CDC42BPA: variants seen among roughly 807,000 people sequenced by gnomAD.
The protein encoded by CDC42BPA is serine/threonine-protein kinase MRCK alpha.
In CDC42BPA, 80 loss-of-function variants were observed where a neutral mutation model predicts 223.5. The observed-to-expected ratio is 0.36, with a 90% CI of 0.30 to 0.43. The LOEUF (loss-of-function observed/expected upper bound fraction) is 0.43. Ranked by LOEUF, CDC42BPA falls within the 20% of genes least tolerant of loss-of-function variation. CDC42BPA has a pLI of 1.00. For missense variants in CDC42BPA, 1,743 were observed against 2,099.9 expected, an observed-to-expected ratio of 0.83 and a Z score of 3.32; for synonymous variants, 694 against 718.6, an observed-to-expected ratio of 0.97 and a Z score of 0.55.
intron 5 of CDC42BPA, among the ~76,000 whole-genome samples, chr1:227,190,905 G>A (rs975967057): frequency 3.3e-5 from 5 of 152,070 alleles, no homozygotes; most frequent in African/African-American, 1.2e-4. Context: ...AAGGAAGGTA[G>A]GAAGTGTATA....
chr1:227,060,272 C>A lies in CDC42BPA; in HGVS notation c.2905-8287G>T, dbSNP rs143142212. ...GGTCTCGATCTCCTGACCTCGTGAT[C>A]CACCCACCTTGGCCTCCCAATCAAA... On this transcript the variant is annotated intron_variant, in intron 21 of 36. Transcript: ENST00000366766. Among the ~76,000 whole-genome samples, 444 of 152,174 alleles carry A rather than the reference C, an allele frequency of 2.9e-3. 2 individuals carry two copies. The highest frequency in any genetic ancestry group is 5.0e-3 in the Non-Finnish European group (340 of 67,986).
At chr1:227,185,115 A>G (rs1668540952) in intron 5 of CDC42BPA, among the ~76,000 whole-genome samples, 1 of 151,994 alleles carries the variant, frequency 6.6e-6, no homozygotes, top group Admixed American at 6.6e-5. Flanking sequence ...TAACACTTTA[A>G]TTAGCATCTT....
chr1:227,020,116 G>C (rs937875831), intron 32 of CDC42BPA, among the ~76,000 whole-genome samples: 4 of 152,024 alleles, frequency 2.6e-5, no homozygotes, highest in Non-Finnish European at 2.9e-5. Context: ...GGCTGGTCTC[G>C]AACTCCTGAC....
At chr1:227,202,611 AAAAT>A (rs1671976762) in intron 3 of CDC42BPA, among the ~76,000 whole-genome samples, 1 of 152,168 alleles carries the variant, frequency 6.6e-6, no homozygotes, top group Non-Finnish European at 1.5e-5. Flanking sequence ...TTTAACTAAA[AAAAT>A]TATTTTTTAA....
chr1:227,045,440 G>A (rs1258908764), intron 23 of CDC42BPA, among the ~76,000 whole-genome samples: 1 of 152,118 alleles, frequency 6.6e-6, no homozygotes, highest in Non-Finnish European at 1.5e-5. Context: ...ATGTGACTGG[G>A]GACAGGTATT....
chr1:227,005,321 T>C (rs903685880), intron 34 of CDC42BPA, among the ~76,000 whole-genome samples: 2 of 152,232 alleles, frequency 1.3e-5, no homozygotes, highest in Non-Finnish European at 2.9e-5. Context: ...CAGGAATAAG[T>C]ACTTATACTT....
chr1:227,318,153 C>CCGGG lies in CDC42BPA; in HGVS notation c.-972_-971insCCCG, dbSNP rs1553449062. The stretch of plus-strand genomic sequence containing the variant: ...CGCCGGAGGCTCCCGACGCCCCAGG[C>CCGGG]GGGGGGGTGCTTCTCTGAATTCAAA... On this transcript the variant is annotated 5_prime_UTR_variant, in exon 1 of 37. Transcript: ENST00000366766. The CCGGG allele has an allele frequency of 6.0e-6, 1 of 166,128 alleles. No individual in the cohort carries two copies. The highest frequency in any genetic ancestry group is 2.5e-5 in the African/African-American group (1 of 39,960). 10.3% of individuals were successfully genotyped at this position (166,128 alleles called of 1,614,324 possible). A position where few individuals can be genotyped will look rare whatever the true frequency, so the allele number is the denominator to read the frequency against.
At chr1:227,049,194 T>C (rs1029879605) in intron 22 of CDC42BPA, among the ~76,000 whole-genome samples, 2 of 151,486 alleles carry the variant, frequency 1.3e-5, no homozygotes, top group African/African-American at 4.8e-5. Context: ...GGAAACAAAG[T>C]CGTCAAATTT....
At chr1:227,042,496 C>T (rs906082774) in intron 23 of CDC42BPA, among the ~76,000 whole-genome samples, 5 of 151,934 alleles carry the variant, frequency 3.3e-5, no homozygotes, top group African/African-American at 7.3e-5. Flanking sequence ...TAAAGATTAA[C>T]GGGTTTATAT....
rs759429493 is a variant in CDC42BPA, at chr1:226,994,926, T to C, written c.5030A>G (p.Tyr1677Cys). Reference sequence around the variant, plus strand: ...GGGCATGGGCTGCCGCTTGGCACTGTAGCTTCCTCCAGAGAATTCCCTCTT... The same window carrying C: ...GGGCATGGGCTGCCGCTTGGCACTGCAGCTTCCTCCAGAGAATTCCCTCTT... ...ALKREFSGGS[Y>C]SAKRQPMPSP... Residue 1677 changes from tyrosine (Y) to cysteine (C), a missense_variant, in exon 36 of 37, where the codon TAC (tyrosine) becomes TGC (cysteine). Transcript: ENST00000366766. The surrounding 1 kb of genome is among the most constrained non-coding windows in gnomAD (Gnocchi z 4.0). The C allele has an allele frequency of 6.2e-7, 1 of 1,614,166 alleles. No homozygotes were observed. The highest frequency in any genetic ancestry group is 1.1e-5 in the South Asian group (1 of 91,078).
chr1:227,051,878 C>G lies in CDC42BPA; in HGVS notation c.3009+3G>C, dbSNP rs781205424. The G allele has an allele frequency of 7.3e-7, 1 of 1,361,622 alleles. No homozygotes were observed. The highest frequency in any genetic ancestry group is 9.8e-7 in the Non-Finnish European group (1 of 1,017,472). The allele number at this position is 1,361,622 out of a possible 1,614,324, so 84.3% of individuals were successfully genotyped here. On this transcript the variant is annotated splice_donor_region_variant and intron_variant, in intron 22 of 36. Transcript: ENST00000366766. ...GGGGAGCAGGGATGCTCCAATAAGG[C>G]ACCTTAACTGGCTCAGCTTCACTAG... is the stretch of plus-strand genomic sequence containing the variant.
intron 1 of CDC42BPA, chr1:227,264,793 C>T (rs1228652685): frequency 2.6e-6 from 3 of 1,144,202 alleles, no homozygotes; most frequent in Non-Finnish European, 4.0e-6. Context: ...CCACTGTTAC[C>T]TCAGTGACAG....
chr1:227,297,967 T>TATATATATACACACACACAC lies in CDC42BPA; in HGVS notation c.178+19037_178+19038insGTGTGTGTGTGTATATATAT, dbSNP rs369403944. Among the ~76,000 whole-genome samples, 14 of 132,076 alleles carry TATATATATACACACACACAC rather than the reference T, an allele frequency of 1.1e-4. 1 individual carries two copies. Among genetic ancestry groups the TATATATATACACACACACAC allele is most frequent in the African/African-American group, 3.8e-4 (13 of 34,212 alleles). 86.6% of individuals were successfully genotyped at this position (132,076 alleles called of 152,430 possible). ...GTGTGTGTGTGTGTATATATACATA[T>TATATATATACACACACACAC]ACACACACACACACATATATACATA... On this transcript the variant is annotated intron_variant, in intron 1 of 36. Transcript: ENST00000366766.
chr1:227,151,590 G>C (rs1221960240), intron 6 of CDC42BPA, among the ~76,000 whole-genome samples: 1 of 152,032 alleles, frequency 6.6e-6, no homozygotes, highest in Non-Finnish European at 1.5e-5. Flanking sequence ...CACCAACAGT[G>C]CCCAAGGATC....
At chr1:227,292,634 T>G (rs1689887818) in intron 1 of CDC42BPA, among the ~76,000 whole-genome samples, 1 of 152,212 alleles carries the variant, frequency 6.6e-6, no homozygotes, top group East Asian at 1.9e-4. Flanking sequence ...TCCACTAAAT[T>G]CTAAAATCAA....
At chr1:227,006,241 T>A (rs1349139060) in intron 34 of CDC42BPA, among the ~76,000 whole-genome samples, 1 of 152,218 alleles carries the variant, frequency 6.6e-6, no homozygotes, top group South Asian at 2.1e-4. Flanking sequence ...CTACTCCTTA[T>A]TGATTTTTCT....
chr1:226,993,966 ATCTG>A lies in CDC42BPA; in HGVS notation c.*298_*301del, dbSNP rs1258652894. On this transcript the variant is annotated 3_prime_UTR_variant, in exon 37 of 37. Coordinates refer to ENST00000366766, the MANE Select transcript of CDC42BPA (RefSeq NM_001394014.1). ...TATTCTTATCACTTACATTTGTGTAATCTGTCTATTTAAGCTACCTTTGGGAGTA... is the reference window on the plus strand; with the variant it reads ...TATTCTTATCACTTACATTTGTGTAATCTATTTAAGCTACCTTTGGGAGTA... 2 of 264,408 alleles carry A rather than the reference ATCTG, an allele frequency of 7.6e-6. No individual in the cohort carries two copies. Among genetic ancestry groups the A allele is most frequent in the African/African-American group, 2.2e-5 (1 of 44,536 alleles). 16.4% of individuals were successfully genotyped at this position (264,408 alleles called of 1,614,324 possible).
Position 226,991,247 on chromosome 1 carries a change from G to A in CDC42BPA, c.*3021C>T, listed in dbSNP as rs2989946. On this transcript the variant is annotated 3_prime_UTR_variant, in exon 37 of 37. Transcript: ENST00000366766. ...AATGTATTTTTTCTATTGAGAAACA[G>A]GTTTCTGCTGCCATATACGTTTTTA... 0.73 allele frequency: 111,936 copies of A among 152,420 alleles called. 41,332 individuals are homozygous for A. The highest frequency in any genetic ancestry group is 0.78 in the African/African-American group (32,250 of 41,484). The allele number at this position is 152,420 out of a possible 1,614,324, so 9.4% of individuals were successfully genotyped here.
At position 227,160,767 on chromosome 1, in the gene CDC42BPA, C is replaced by T. The variant is rs938105804; in HGVS notation, c.600-131G>A. The T allele has an allele frequency of 2.1e-5, 12 of 571,322 alleles. No homozygotes were observed. The South Asian group carries it at 3.1e-4, about 15-fold the overall frequency. 35.4% of individuals were successfully genotyped at this position (571,322 alleles called of 1,614,324 possible). A position where few individuals can be genotyped will look rare whatever the true frequency, so the allele number is the denominator to read the frequency against. On this transcript the variant is annotated intron_variant, in intron 5 of 36. Transcript: ENST00000366766. ...TATTCTAAGAAAATCTATTTAATTA[C>T]TTTATTAATTCAAATCCTGGTTCTG... is the stretch of plus-strand genomic sequence containing the variant.
Sources: allele counts gnomAD v4.1 joint callset (sites outside exome capture counted in the v4.1 genomes callset), GRCh38; gene constraint gnomAD v4.1.1; non-coding constraint Gnocchi (gnomAD v3.1); transcripts MANE v1.5; gene names NCBI Gene and HGNC (gene_info 2026-07-23, HGNC 2026-07-21).